ADK: variants seen among roughly 807,000 people sequenced by gnomAD.
ADK encodes the protein adenosine kinase, also known as N6,N6-dimethyladenosine kinase.
A neutral mutation model predicts 44.7 loss-of-function variants in ADK; 24 were observed. The observed-to-expected ratio is 0.54, with a 90% confidence interval of 0.39 to 0.76. The LOEUF (loss-of-function observed/expected upper bound fraction) is 0.76. Among genes scored for constraint, ADK ranks in the 30% least tolerant of loss-of-function variants. The probability of loss-of-function intolerance (pLI) is 0.00; values close to 1 mark genes in which losing one functional copy is unlikely to be tolerated. For synonymous variants in ADK, 128 were observed against 142.6 expected (o/e 0.90, Z 0.73); for missense variants, 321 against 425.1 (o/e 0.76, Z 2.15).
intron 6 of ADK, among the ~76,000 whole-genome samples, chr10:74,455,162 A>T (rs532394096): frequency 3.3e-5 from 5 of 152,282 alleles, no homozygotes; most frequent in Admixed American, 1.3e-4. Context: ...TATAAATTGT[A>T]TGGAACAGTG....
chr10:74,597,044 A>G (rs780977855), intron 8 of ADK, among the ~76,000 whole-genome samples: 20 of 152,198 alleles, frequency 1.3e-4, no homozygotes, highest in Non-Finnish European at 2.8e-4. Flanking sequence ...TTCGTTATAG[A>G]TACTATAATT....
At position 74,151,234 on chromosome 10, in the gene ADK, T is replaced by C. The variant is rs1564561903; in HGVS notation, c.-45T>C. On this transcript the variant is annotated 5_prime_UTR_variant, in exon 1 of 11. An upstream start codon of the reference 5' UTR is lost. Transcript: ENST00000539909. ...AGAGGGGGCGGGACCAGAGAGTGGA[T>C]GGCAGAGGTGGGCTGTAGAGCCAAA... The C allele has an allele frequency of 6.5e-7, 1 of 1,546,302 alleles. No homozygotes were observed. Among genetic ancestry groups the C allele is most frequent in the Non-Finnish European group, 8.7e-7 (1 of 1,144,086 alleles).
At chr10:74,198,604 A>G (rs984013672) in intron 1 of ADK, among the ~76,000 whole-genome samples, 3 of 152,248 alleles carry the variant, frequency 2.0e-5, no homozygotes, top group Admixed American at 2.0e-4. Context: ...ACTGGAGACC[A>G]ATAAAAAATT....
intron 9 of ADK, among the ~76,000 whole-genome samples, chr10:74,631,020 A>G (rs1315379301): frequency 6.6e-6 from 1 of 151,998 alleles, no homozygotes; most frequent in African/African-American, 2.4e-5. Context: ...GACCATTGGA[A>G]GTGCCCTCAA....
intron 3 of ADK, among the ~76,000 whole-genome samples, chr10:74,265,441 C>T (rs1238422536): frequency 6.6e-6 from 1 of 152,038 alleles, no homozygotes; most frequent in Non-Finnish European, 1.5e-5. Flanking sequence ...GTCTCAATCT[C>T]CTGACCTCGT....
chr10:74,421,625 A>G (rs1266950174), intron 6 of ADK, among the ~76,000 whole-genome samples: 2 of 152,152 alleles, frequency 1.3e-5, no homozygotes, highest in Non-Finnish European at 2.9e-5. Flanking sequence ...CTGGTTTGTA[A>G]ATCCTATTCT....
intron 3 of ADK, among the ~76,000 whole-genome samples, chr10:74,272,028 A>G (rs1846451285): frequency 6.6e-6 from 1 of 152,128 alleles, no homozygotes; most frequent in African/African-American, 2.4e-5. Flanking sequence ...TACTTATGTT[A>G]TGATGTGTAG....
At chr10:74,204,412 A>G (rs1352112882) in intron 2 of ADK, among the ~76,000 whole-genome samples, 1 of 152,226 alleles carries the variant, frequency 6.6e-6, no homozygotes, top group Non-Finnish European at 1.5e-5. Context: ...TAGAAATATA[A>G]GTAATTATGG....
chr10:74,653,147 T>C (rs1348958227), intron 9 of ADK, among the ~76,000 whole-genome samples: 2 of 152,134 alleles, frequency 1.3e-5, no homozygotes, highest in Non-Finnish European at 2.9e-5. Flanking sequence ...CTTTAGATCC[T>C]TTAACAGAAG....
At chr10:74,198,625 A>C (rs1161111673) in intron 1 of ADK, among the ~76,000 whole-genome samples, 1 of 152,188 alleles carries the variant, frequency 6.6e-6, no homozygotes, top group East Asian at 1.9e-4. Flanking sequence ...ACACAGAAAC[A>C]AATCTTTTTG....
At chr10:74,675,652 A>G (rs535442419) in intron 10 of ADK, among the ~76,000 whole-genome samples, 1 of 152,324 alleles carries the variant, frequency 6.6e-6, no homozygotes, top group South Asian at 2.1e-4. Context: ...TTGTCACAGC[A>G]GGTCTACCTT....
At chr10:74,237,266 A>G (rs6480724) in intron 3 of ADK, among the ~76,000 whole-genome samples, 111,889 of 152,146 alleles carry the variant, frequency 0.74, 41,831 homozygotes, top group Middle Eastern at 0.85. Flanking sequence ...CATCTTCACC[A>G]GGAGTACATT....
At chr10:74,348,248 A>G (rs922124792) in intron 4 of ADK, among the ~76,000 whole-genome samples, 18 of 152,244 alleles carry the variant, frequency 1.2e-4, no homozygotes, top group African/African-American at 3.4e-4. Flanking sequence ...CCAGGCAACA[A>G]TCTTTGCTGT....
chr10:74,416,207 C>T (rs1057512899), intron 6 of ADK, among the ~76,000 whole-genome samples: 13 of 151,882 alleles, frequency 8.6e-5, no homozygotes, highest in Non-Finnish European at 1.6e-4. Context: ...GAGAGGACAA[C>T]GTTTTTCCTT....
intron 7 of ADK, among the ~76,000 whole-genome samples, chr10:74,562,015 A>G (rs1417506508): frequency 6.6e-6 from 1 of 152,242 alleles, no homozygotes; most frequent in Non-Finnish European, 1.5e-5. Flanking sequence ...TTGAGCACGT[A>G]TACAACCTTC....
At chr10:74,456,077 C>A (rs1845934473) in intron 6 of ADK, among the ~76,000 whole-genome samples, 1 of 152,050 alleles carries the variant, frequency 6.6e-6, no homozygotes, top group Non-Finnish European at 1.5e-5. Context: ...TAGCCTCCCA[C>A]ACAATAATAG....
At chr10:74,236,057 C>G (rs1024323104) in intron 3 of ADK, among the ~76,000 whole-genome samples, 1 of 152,318 alleles carries the variant, frequency 6.6e-6, no homozygotes, top group East Asian at 1.9e-4. Context: ...ATTACCCAAT[C>G]TCAGGTTTCT....
At chr10:74,372,204 G>GA (rs1842682801) in intron 4 of ADK, 2 of 759,496 alleles carry the variant, frequency 2.6e-6, no homozygotes, top group East Asian at 4.9e-5. Flanking sequence ...GACCAAGGAG[G>GA]AATTTCAGGG....
At chr10:74,569,628 T>C (rs964083084) in intron 7 of ADK, among the ~76,000 whole-genome samples, 5 of 152,096 alleles carry the variant, frequency 3.3e-5, no homozygotes, top group Non-Finnish European at 7.4e-5. Context: ...GAGGCTGTTT[T>C]TTTCTTGTGA....
Sources: allele counts gnomAD v4.1 joint callset (sites outside exome capture counted in the v4.1 genomes callset), GRCh38; gene constraint gnomAD v4.1.1; transcripts MANE v1.5; gene names NCBI Gene and HGNC (gene_info 2026-07-23, HGNC 2026-07-21).